Variants in FAM199X observed in about 807,000 individuals in gnomAD.
FAM199X encodes protein FAM199X.
A neutral mutation model predicts 22.9 loss-of-function variants in FAM199X; 4 were observed. That is an observed-to-expected ratio of 0.17 (90% CI 0.09 to 0.40). FAM199X has a LOEUF of 0.40. FAM199X is among the 10% of genes least tolerant of loss of function. The pLI is 1.00. For missense variants in FAM199X, 183 were observed against 306.8 expected (o/e 0.60, Z 3.01); for synonymous variants, 101 against 112.3 (o/e 0.90, Z 0.64).
Position 104,195,168 on chromosome X carries a change from GTGT to G in FAM199X, c.*5395_*5397del, listed in dbSNP as rs1455852828. ...TTGAAACTGAATACCAGAATGAAAAGTGTTGTTTTGGTTAAGAACTCTTATAAT... is the reference window on the plus strand; with the variant it reads ...TTGAAACTGAATACCAGAATGAAAAGTGTTTTGGTTAAGAACTCTTATAAT... On this transcript the variant is annotated 3_prime_UTR_variant, in exon 6 of 6. Transcript: ENST00000493442. 2.7e-5 allele frequency: 3 copies of G among 111,035 alleles called. No homozygotes were observed. The highest frequency in any genetic ancestry group is 3.8e-4 in the South Asian group (1 of 2,629). 9.2% of individuals were successfully genotyped at this position (111,035 alleles called of 1,213,427 possible).
At position 104,192,219 on chromosome X, in the gene FAM199X, A is replaced by G. The variant is rs1199588586; in HGVS notation, c.*2441A>G. 8.9e-6 allele frequency: 1 copy of G among 111,791 alleles called. No individual in the cohort carries two copies. Among genetic ancestry groups the G allele is most frequent in the Admixed American group, 9.5e-5 (1 of 10,472 alleles). The allele number at this position is 111,791 out of a possible 1,213,427, so 9.2% of individuals were successfully genotyped here. On this transcript the variant is annotated 3_prime_UTR_variant, in exon 6 of 6. Transcript: ENST00000493442. ...TTTTCCGTTTTAATGTCTTGTGTAGATAATTCAAAGTTTGAACTATTTCTT... is the reference window on the plus strand; with the variant it reads ...TTTTCCGTTTTAATGTCTTGTGTAGGTAATTCAAAGTTTGAACTATTTCTT...
intron 2 of FAM199X, among the ~76,000 whole-genome samples, chrX:104,180,061 T>G (rs1556377474): frequency 9.4e-6 from 1 of 106,447 alleles, no homozygotes. Flanking sequence ...CACTGCAGAA[T>G]TGACCTCCTG....
At chrX:104,187,916 A>G in intron 4 of FAM199X, 124 bp from the exon 5 acceptor site, 1 of 794,177 alleles carries the variant, frequency 1.3e-6, no homozygotes, top group Admixed American at 2.9e-5. Context: ...ATTCTACCTT[A>G]CGTATGCATC....
chrX:104,163,086 T>C (rs1457883154), upstream of FAM199X, among the ~76,000 whole-genome samples: 2 of 99,071 alleles, frequency 2.0e-5, no homozygotes, highest in Non-Finnish European at 4.0e-5. Context: ...GATATTTGAC[T>C]CAGCTAAATA....
chrX:104,184,975 T>C (rs1483561113), intron 2 of FAM199X, among the ~76,000 whole-genome samples: 1 of 106,393 alleles, frequency 9.4e-6, no homozygotes, highest in African/African-American at 3.4e-5. Flanking sequence ...GAGGTCTCGC[T>C]ATGTTGGACA....
chrX:104,173,205 T>A, intron 1 of FAM199X, among the ~76,000 whole-genome samples: 1 of 111,801 alleles, frequency 8.9e-6, no homozygotes, highest in Non-Finnish European at 1.9e-5. Flanking sequence ...CAGGGTATGA[T>A]TCCTCTTCAT....
At chrX:104,157,537 T>C in the FAM199X span, among the ~76,000 whole-genome samples, 1 of 112,133 alleles carries the variant, frequency 8.9e-6, no homozygotes, top group East Asian at 2.8e-4. Context: ...GTAGAATTGG[T>C]ATAATAATAG....
intron 1 of FAM199X, among the ~76,000 whole-genome samples, chrX:104,175,209 C>T (rs181640783): frequency 8.9e-6 from 1 of 112,451 alleles, no homozygotes; most frequent in East Asian, 2.8e-4. Context: ...TACTCATAAC[C>T]ACTATGCTGT....
At chrX:104,168,878 CTTTT>C (rs56399350) in intron 1 of FAM199X, among the ~76,000 whole-genome samples, 9 of 83,301 alleles carry the variant, frequency 1.1e-4, no homozygotes, top group African/African-American at 2.7e-4. Flanking sequence ...TTACTGCTTG[CTTTT>C]TTTTTTTTTT....
chrX:104,188,412 G>A lies in FAM199X; in HGVS notation c.996+106G>A, dbSNP rs782215701. ...AAATGATCCTGCTGTCTAGTTGCCT[G>A]TGGGTTTTGGTCTTAATTGAACAAG... On this transcript the variant is annotated intron_variant, in intron 5 of 5. Transcript: ENST00000493442. 163 of 973,009 alleles carry A rather than the reference G, an allele frequency of 1.7e-4. 2 individuals are homozygous for A. The South Asian group carries it at 3.4e-3, about 21-fold the overall frequency. The allele number at this position is 973,009 out of a possible 1,213,427, so 80.2% of individuals were successfully genotyped here. A position where few individuals can be genotyped will look rare whatever the true frequency, so the allele number is the denominator to read the frequency against.
intron 1 of FAM199X, among the ~76,000 whole-genome samples, chrX:104,170,287 A>G (rs2147889356): frequency 8.9e-6 from 1 of 112,071 alleles, no homozygotes; most frequent in African/African-American, 3.2e-5. Context: ...TCCTATCTAG[A>G]TACAGAATTA....
chrX:104,195,785 T>C lies in FAM199X; in HGVS notation c.*6007T>C, dbSNP rs1922046824. 1 of 111,067 alleles carries C rather than the reference T, an allele frequency of 9.0e-6. No homozygotes were observed. Among genetic ancestry groups the C allele is most frequent in the Non-Finnish European group, 1.9e-5 (1 of 52,916 alleles). 9.2% of individuals were successfully genotyped at this position (111,067 alleles called of 1,213,427 possible). On this transcript the variant is annotated 3_prime_UTR_variant, in exon 6 of 6. Transcript: ENST00000493442. ...TATTCTCAAAATTCCTTTAGTGTTA[T>C]TAAATATTTTCATTTATTAGTCAAA...
intron 2 of FAM199X, among the ~76,000 whole-genome samples, chrX:104,179,816 GT>G (rs1219242214): frequency 9.0e-6 from 1 of 110,819 alleles, no homozygotes; most frequent in Non-Finnish European, 1.9e-5. Flanking sequence ...TTGGTCTGCA[GT>G]TTTCGTTCTC....
intron 1 of FAM199X, among the ~76,000 whole-genome samples, chrX:104,170,371 CA>C (rs1921320467): frequency 9.0e-6 from 1 of 111,102 alleles, no homozygotes; most frequent in Admixed American, 9.6e-5. Context: ...CTTGCTGAGA[CA>C]AGTTGAAAAT....
Position 104,189,763 on chromosome X carries a change from T to C in FAM199X, c.1152T>C (p.Val384=). 2 of 1,209,571 alleles carry C rather than the reference T, an allele frequency of 1.7e-6. No homozygotes were observed. Among genetic ancestry groups the C allele is most frequent in the Non-Finnish European group, 2.2e-6 (2 of 894,642 alleles). ...KVTEEDHEAD[V]DVLM is the part of the protein sequence containing the mutation. Reference sequence around the variant, plus strand: ...CTGAGGAAGACCATGAAGCAGATGTTGATGTTTTGATGTAATAAGGGTGAA... The same window carrying C: ...CTGAGGAAGACCATGAAGCAGATGTCGATGTTTTGATGTAATAAGGGTGAA... The change falls in exon 6 of 6, where the codon GTT becomes GTC. Residue 384 remains valine, a synonymous_variant. Coordinates refer to ENST00000493442, the MANE Select transcript of FAM199X (RefSeq NM_207318.4).
Position 104,175,611 on chromosome X carries a change from G to A in FAM199X, c.198-12G>A. ...TAGTTCTCTTGATTTCTTTCGTGTT[G>A]TGTTTTTGAAGGTGGAACCTAACTT... is the stretch of plus-strand genomic sequence containing the variant. On this transcript the variant is annotated splice_polypyrimidine_tract_variant and intron_variant, in intron 1 of 5. Coordinates refer to ENST00000493442, the MANE Select transcript of FAM199X (RefSeq NM_207318.4). 8.4e-7 allele frequency: 1 copy of A among 1,193,176 alleles called. No homozygotes were observed. Among genetic ancestry groups the A allele is most frequent in the Non-Finnish European group, 1.1e-6 (1 of 882,180 alleles).
At chrX:104,184,371 T>C (rs1256590840) in intron 2 of FAM199X, among the ~76,000 whole-genome samples, 3 of 112,147 alleles carry the variant, frequency 2.7e-5, no homozygotes, top group Non-Finnish European at 5.6e-5. Flanking sequence ...AGCAAAAAGG[T>C]ACTGTTTTAT....
At chrX:104,177,298 T>G (rs986327413) in intron 2 of FAM199X, among the ~76,000 whole-genome samples, 5 of 112,281 alleles carry the variant, frequency 4.5e-5, no homozygotes, top group Admixed American at 9.4e-5. Flanking sequence ...CAGTACTTCA[T>G]TCCTTTCTAT....
chrX:104,188,323 A>G lies in FAM199X; in HGVS notation c.996+17A>G, dbSNP rs782333951. ...GATTCAAAAGTAAAACGTCTAATCA[A>G]TACAAAACTTTACCTTTCAATATTA... On this transcript the variant is annotated intron_variant, in intron 5 of 5. Transcript: ENST00000493442. 1 of 1,206,569 alleles carries G rather than the reference A, an allele frequency of 8.3e-7. No individual in the cohort carries two copies. Among genetic ancestry groups the G allele is most frequent in the Admixed American group, 2.2e-5 (1 of 45,996 alleles).
Sources: gnomAD v4.1 joint callset for allele counts (sites outside exome capture counted in the v4.1 genomes callset) on GRCh38, gnomAD v4.1.1 for gene constraint, MANE v1.5 for transcripts, NCBI Gene and HGNC (gene_info 2026-07-23, HGNC 2026-07-21) for gene names.